Variants in KANSL1 observed in about 807,000 individuals in gnomAD.
KANSL1 encodes KAT8 regulatory NSL complex subunit 1.
In KANSL1, 22 loss-of-function variants were observed where a neutral mutation model predicts 103.6. That is an observed-to-expected ratio of 0.21 (90% CI 0.15 to 0.30). KANSL1 has a LOEUF of 0.30. Among genes scored for constraint, KANSL1 ranks in the 10% least tolerant of loss-of-function variants. KANSL1 has a pLI of 1.00. For synonymous variants in KANSL1, 600 were observed against 527.6 expected (o/e 1.14, Z -1.88); for missense variants, 1,337 against 1,399.8 (o/e 0.96, Z 0.72).
intron 2 of KANSL1, 98 bp from the exon 3 acceptor site, chr17:46,094,799 A>G (rs2041992123): frequency 7.2e-7 from 1 of 1,393,244 alleles, no homozygotes; most frequent in Admixed American, 1.8e-5. Context: ...AGGCCCTTGC[A>G]GAGACTAACT....
chr17:46,033,370 C>T (rs766865759), intron 12 of KANSL1, 33 bp downstream of exon 12: 11 of 1,602,876 alleles, frequency 6.9e-6, no homozygotes, highest in South Asian at 4.4e-5. Flanking sequence ...TGTGTACACA[C>T]GTGTTCTTCT....
rs750568205 is a variant in KANSL1 at position 46,033,352 on chromosome 17, T to TG, written c.2724+50dup. On this transcript the variant is annotated intron_variant, in intron 12 of 14. Coordinates refer to ENST00000432791, the MANE Select transcript of KANSL1 (RefSeq NM_015443.4). Reference sequence around the variant, plus strand: ...TTTAGGGTGTGTGCACTCATATGTATGTGTGCATGTGTACACACGTGTTCT... The same window carrying TG: ...TTTAGGGTGTGTGCACTCATATGTATGGTGTGCATGTGTACACACGTGTTCT... 9 of 1,558,276 alleles carry TG rather than the reference T, an allele frequency of 5.8e-6. No individual in the cohort carries two copies. In the South Asian group the frequency reaches 1.0e-4, roughly 17 times the overall value.
At chr17:46,218,132 TC>T (rs1377537069) in intron 1 of KANSL1, among the ~76,000 whole-genome samples, 1 of 152,228 alleles carries the variant, frequency 6.6e-6, no homozygotes, top group Non-Finnish European at 1.5e-5. Flanking sequence ...CCCAGTTGCT[TC>T]AGAGAAAGCA....
At chr17:46,056,653 C>G (rs937901605) in intron 6 of KANSL1, among the ~76,000 whole-genome samples, 1 of 152,174 alleles carries the variant, frequency 6.6e-6, no homozygotes, top group African/African-American at 2.4e-5. Context: ...AAAATTCTAG[C>G]TTCTTAACAC....
chr17:46,059,033 C>T (rs191286847), intron 6 of KANSL1, among the ~76,000 whole-genome samples: 48 of 136,776 alleles, frequency 3.5e-4, no homozygotes, highest in Middle Eastern at 3.9e-3. Context: ...GGCAACAGAG[C>T]GAGACTCCAT....
chr17:46,118,124 A>C (rs1377459482), intron 2 of KANSL1, among the ~76,000 whole-genome samples: 1 of 152,244 alleles, frequency 6.6e-6, no homozygotes, highest in Admixed American at 6.5e-5. Flanking sequence ...TGTGATATGA[A>C]GCAAGCTTTA....
intron 2 of KANSL1, among the ~76,000 whole-genome samples, chr17:46,147,544 C>T (rs1292261501): frequency 5.5e-5 from 8 of 146,106 alleles, no homozygotes; most frequent in Non-Finnish European, 8.9e-5. Flanking sequence ...ACTAACCCCT[C>T]CAGCCTGGGT....
At chr17:46,048,641 A>C (rs2077597916) in intron 7 of KANSL1, among the ~76,000 whole-genome samples, 2 of 152,206 alleles carry the variant, frequency 1.3e-5, no homozygotes, top group African/African-American at 4.8e-5. Context: ...TAGGCTGGGC[A>C]CAGATCATGA....
chr17:46,102,013 T>A (rs965336280), intron 2 of KANSL1, among the ~76,000 whole-genome samples: 1 of 152,144 alleles, frequency 6.6e-6, no homozygotes, highest in Non-Finnish European at 1.5e-5. Flanking sequence ...AGAATAGACA[T>A]TGCATTATCA....
chr17:46,193,283 C>G lies in KANSL1; in HGVS notation c.-550G>C, dbSNP rs2047449757. 1 of 152,296 alleles carries G rather than the reference C, an allele frequency of 6.6e-6. No individual in the cohort carries two copies. The highest frequency in any genetic ancestry group is 2.4e-5 in the African/African-American group (1 of 41,336). 9.4% of individuals were successfully genotyped at this position (152,296 alleles called of 1,614,324 possible). A position where few individuals can be genotyped will look rare whatever the true frequency, so the allele number is the denominator to read the frequency against. On this transcript the variant is annotated 5_prime_UTR_variant, in exon 1 of 15. Coordinates refer to ENST00000432791, the MANE Select transcript of KANSL1 (RefSeq NM_015443.4). Reference sequence around the variant, plus strand: ...GAGCGCGCTTCAGCCGCCCCCCGCGCCGCCGCGGCGAGACGAGTCGGCTTC... The same window carrying G: ...GAGCGCGCTTCAGCCGCCCCCCGCGGCGCCGCGGCGAGACGAGTCGGCTTC...
At chr17:46,054,399 C>T (rs1362043355) in intron 6 of KANSL1, among the ~76,000 whole-genome samples, 2 of 150,844 alleles carry the variant, frequency 1.3e-5, no homozygotes, top group Non-Finnish European at 3.0e-5. Context: ...TTCATACCAC[C>T]TCAACTACAC....
intron 2 of KANSL1, among the ~76,000 whole-genome samples, chr17:46,127,615 A>G (rs2043637522): frequency 6.6e-6 from 1 of 152,132 alleles, no homozygotes; most frequent in South Asian, 2.1e-4. Flanking sequence ...CTCTATAAAA[A>G]AATACCAAAA....
rs199642265 is a variant in KANSL1, at chr17:46,066,742, G to C, written c.1653-10C>G. Reference sequence around the variant, plus strand: ...CAAGACAGGCTGAAGACTATACAAGGGGAAGGAAGAGTATTCTCAGAACAC... The same window carrying C: ...CAAGACAGGCTGAAGACTATACAAGCGGAAGGAAGAGTATTCTCAGAACAC... On this transcript the variant is annotated splice_polypyrimidine_tract_variant and intron_variant, in intron 5 of 14. Coordinates refer to ENST00000432791, the MANE Select transcript of KANSL1 (RefSeq NM_015443.4). 434 of 1,599,808 alleles carry C rather than the reference G, an allele frequency of 2.7e-4. 2 individuals are homozygous for C. In the African/African-American group the frequency reaches 5.5e-3, roughly 20 times the overall value.
intron 6 of KANSL1, among the ~76,000 whole-genome samples, chr17:46,055,192 G>A (rs1257665968): frequency 6.6e-6 from 1 of 151,630 alleles, no homozygotes; most frequent in Non-Finnish European, 1.5e-5. Context: ...GGCCAGGCGC[G>A]GTGGCTCACG....
chr17:46,128,887 G>A (rs1205685432), intron 2 of KANSL1, among the ~76,000 whole-genome samples: 1 of 152,210 alleles, frequency 6.6e-6, no homozygotes, highest in Non-Finnish European at 1.5e-5. Flanking sequence ...ACACGGATGT[G>A]TTATCGACAC....
intron 6 of KANSL1, among the ~76,000 whole-genome samples, chr17:46,051,170 CT>C (rs1387735266): frequency 6.6e-6 from 1 of 152,200 alleles, no homozygotes; most frequent in African/African-American, 2.4e-5. Flanking sequence ...AACCACACCT[CT>C]TCTCTTCTTT....
intron 1 of KANSL1, among the ~76,000 whole-genome samples, chr17:46,220,220 T>G (rs572294267): frequency 1.5e-5 from 1 of 66,478 alleles, no homozygotes; most frequent in African/African-American, 1.1e-4. Flanking sequence ...TTCTTTAAAA[T>G]TTTTTTTTTT....
chr17:46,167,269 AG>A (rs1360922313), intron 2 of KANSL1, among the ~76,000 whole-genome samples: 2 of 151,006 alleles, frequency 1.3e-5, no homozygotes, highest in East Asian at 2.0e-4. Context: ...ACAAAATTGC[AG>A]GGAAAAAAAA....
At position 46,171,650 on chromosome 17, in the gene KANSL1, G is replaced by A. The variant is rs747586763; in HGVS notation, c.494C>T (p.Ser165Leu). The A allele has an allele frequency of 1.9e-6, 3 of 1,555,698 alleles. No homozygotes were observed. The East Asian group carries it at 6.8e-5, about 35-fold the overall frequency. Reference sequence around the variant, plus strand: ...GGAATTGTCATGATCAGAATGTGTTGAACTTTTAGTCAATTTCTTAGCCAA... The same window carrying A: ...GGAATTGTCATGATCAGAATGTGTTAAACTTTTAGTCAATTTCTTAGCCAA... ...NGLAKKLTKS[S>L]THSDHDNSTS... Residue 165 changes from serine to leucine, a missense_variant, in exon 2 of 15, where the codon TCA (serine) becomes TTA (leucine). By Grantham distance (145) the Ser-to-Leu change is moderately radical. Around this residue, in one of 2 missense-constraint regions of KANSL1, gnomAD observed 557 missense variants for 476.4 expected, o/e 1.17. Transcript: ENST00000432791.
Sources: allele counts gnomAD v4.1 joint callset (sites outside exome capture counted in the v4.1 genomes callset), GRCh38; gene constraint gnomAD v4.1.1; regional missense constraint gnomAD v4.1.1; transcripts MANE v1.5; gene names NCBI Gene and HGNC (gene_info 2026-07-23, HGNC 2026-07-21).